Variants in PSG11 observed in about 807,000 individuals in gnomAD.
PSG11 encodes the protein pregnancy-specific beta-1-glycoprotein 11.
In PSG11, 42 loss-of-function variants were observed where a neutral mutation model predicts 36.0. The ratio of observed to expected loss-of-function variants is 1.17; its 90% CI spans 0.91 to 1.51. The LOEUF (loss-of-function observed/expected upper bound fraction) is 1.51. PSG11 is among the 40% of genes most tolerant of loss of function. PSG11 has a pLI of 0.00. For synonymous variants in PSG11, 206 were observed against 153.5 expected, an observed-to-expected ratio of 1.34 and a Z score of -2.53; for missense variants, 558 against 403.5, an observed-to-expected ratio of 1.38 and a Z score of -3.28.
intron 5 of PSG11, 98 bp downstream of exon 5, chr19:43,009,860 G>A (rs1974029247): frequency 2.2e-6 from 2 of 928,050 alleles, no homozygotes; most frequent in East Asian, 2.5e-5. Flanking sequence ...GATGAAGGAG[G>A]AGATCCAGGC....
At chr19:43,024,524 T>C in intron 2 of PSG11, 167 bp downstream of exon 2, 1 of 1,352,304 alleles carries the variant, frequency 7.4e-7, no homozygotes, top group Admixed American at 1.9e-5. Flanking sequence ...TTCTGATCTG[T>C]TGAAATTTGT....
rs17406869 is a variant in PSG11 at position 43,010,018 on chromosome 19, C to T, written c.988G>A (p.Ala330Thr). 1.9e-6 allele frequency: 3 copies of T among 1,609,678 alleles called. No individual in the cohort carries two copies. Among genetic ancestry groups the T allele is most frequent in the Non-Finnish European group, 2.5e-6 (3 of 1,177,222 alleles). ...VIAPPGLGTF[A>T]FNNPT ...GGCTGCTACGTTGGATTATTGAAAGCAAAAGTTCCTAATCCTGGAGGAGCT... is the reference window on the plus strand; with the variant it reads ...GGCTGCTACGTTGGATTATTGAAAGTAAAAGTTCCTAATCCTGGAGGAGCT... Residue 330 changes from alanine (A) to threonine (T), a missense_variant, in exon 5 of 6, where the codon GCT becomes ACT. By Grantham distance (58) the Ala-to-Thr change is moderately conservative. Coordinates refer to ENST00000320078, the MANE Select transcript of PSG11 (RefSeq NM_002785.3).
At position 43,015,115 on chromosome 19, in the gene PSG11, C is replaced by T. The variant is rs773268667; in HGVS notation, c.964+1G>A. 1.2e-6 allele frequency: 2 copies of T among 1,611,950 alleles called. No individual in the cohort carries two copies. The highest frequency in any genetic ancestry group is 3.3e-5 in the Admixed American group (2 of 59,896). On this transcript the variant is annotated splice_donor_variant, in intron 4 of 5. Transcript: ENST00000320078. LOFTEE classifies it high-confidence loss of function. ...TGCCAAGGATGCTGGGATCCACTTA[C>T]CAATGACTCTGATTGTCAAGGATGT...
chr19:43,017,335 A>C (rs1259319669), intron 3 of PSG11: 1 of 151,490 alleles, frequency 6.6e-6, no homozygotes, highest in East Asian at 1.9e-4. Context: ...CTTCAGTGAG[A>C]ATTTCTTTTC....
At chr19:43,025,570 G>T (rs1330409225) in intron 1 of PSG11, among the ~76,000 whole-genome samples, 2 of 150,844 alleles carry the variant, frequency 1.3e-5, no homozygotes, top group African/African-American at 4.9e-5. Context: ...AGGGACTTTT[G>T]TGATCTTGGT....
rs971166419 is a variant in PSG11, at chr19:43,024,805, A to G, written c.316T>C (p.Ser106Pro). 6.8e-6 allele frequency: 11 copies of G among 1,611,858 alleles called. No homozygotes were observed. The highest frequency in any genetic ancestry group is 9.3e-6 in the Non-Finnish European group (11 of 1,179,104). ...SGRETVYSNA[S>P]LLIQNVTRED... ...CGGGTGACATTCTGGATCAGCAGGG[A>G]TGCATTGGAATATACTGTTTCTCGT... Residue 106 changes from serine (S) to proline (P), a missense_variant, in exon 2 of 6, where the codon TCC becomes CCC. Transcript: ENST00000320078.
chr19:43,009,336 T>C (rs1187638362), intron 5 of PSG11, among the ~76,000 whole-genome samples: 1 of 151,320 alleles, frequency 6.6e-6, no homozygotes, highest in African/African-American at 2.4e-5. Flanking sequence ...TTTCACTCTG[T>C]TTTTAGACAT....
At position 43,015,118 on chromosome 19, in the gene PSG11, A is replaced by G. The variant is rs111493043; in HGVS notation, c.962T>C (p.Ile321Thr). Residue 321 changes from isoleucine (I) to threonine (T), a missense_variant and splice_region_variant, in exon 4 of 6, where the codon ATT becomes ACT. Ile to Thr is a moderately conservative substitution (Grantham distance 89). Coordinates refer to ENST00000320078, the MANE Select transcript of PSG11 (RefSeq NM_002785.3). ...CAAGGATGCTGGGATCCACTTACCA[A>G]TGACTCTGATTGTCAAGGATGTGGA... ...ESSTSLTIRVIAPPGLGTFAF... is the reference protein window; with the variant it reads ...ESSTSLTIRVTAPPGLGTFAF... The G allele has an allele frequency of 7.5e-3, 12,054 of 1,611,826 alleles. 695 individuals carry two copies. In the East Asian group the frequency reaches 0.088, roughly 12 times the overall value.
At chr19:43,016,507 T>G (rs1205514501) in intron 3 of PSG11, among the ~76,000 whole-genome samples, 6 of 151,388 alleles carry the variant, frequency 4.0e-5, no homozygotes, top group Admixed American at 6.6e-5. Flanking sequence ...GACTTCCCAT[T>G]GTCCTGAAAC....
Position 43,024,717 on chromosome 19 carries a change from G to A in PSG11, c.404C>T (p.Thr135Ile). 1 of 1,611,168 alleles carries A rather than the reference G, an allele frequency of 6.2e-7. No homozygotes were observed. The highest frequency in any genetic ancestry group is 2.2e-5 in the East Asian group (1 of 44,790). The change falls in exon 2 of 6, where the codon ACT (threonine) becomes ATT (isoleucine). Residue 135 changes from threonine to isoleucine, a missense_variant. Physicochemically the swap from Thr to Ile is moderately conservative, Grantham distance 89. Transcript: ENST00000320078. ...GTATAAGGTGAAGGTGAAATATCCA[G>A]TTACTCCTCTAGTCCCATCACCTCG... is the stretch of plus-strand genomic sequence containing the variant. ...IKRGDGTRGV[T>I]GYFTFTLYLE...
At chr19:43,016,789 A>G (rs1966977991) in intron 3 of PSG11, among the ~76,000 whole-genome samples, 1 of 151,426 alleles carries the variant, frequency 6.6e-6, no homozygotes, top group Non-Finnish European at 1.5e-5. Context: ...TGGGTCCTTT[A>G]AGTTTCCTTT....
chr19:43,014,380 C>A, intron 4 of PSG11: 9 of 932,890 alleles, frequency 9.6e-6, no homozygotes, highest in Non-Finnish European at 1.1e-5. Flanking sequence ...AGTCACTGTA[C>A]TCAGTGCTGT....
At chr19:43,010,283 C>A (rs1974040845) in intron 4 of PSG11, 1 of 1,471,596 alleles carries the variant, frequency 6.8e-7, no homozygotes, top group East Asian at 2.5e-5. Flanking sequence ...TTTTGGAAGG[C>A]TTTCAGACGT....
rs1967192705 is a variant in PSG11, at chr19:43,024,681, A to G, written c.430+10T>C. ...CCCCCAACACCCAGGGATCATGTGG[A>G]ATCACTTACGGTATAAGGTGAAGGT... On this transcript the variant is annotated intron_variant, in intron 2 of 5. Coordinates refer to ENST00000320078, the MANE Select transcript of PSG11 (RefSeq NM_002785.3). The G allele has an allele frequency of 6.2e-7, 1 of 1,609,716 alleles. No individual in the cohort carries two copies. Among genetic ancestry groups the G allele is most frequent in the African/African-American group, 1.3e-5 (1 of 74,228 alleles).
chr19:43,009,927 G>A, intron 5 of PSG11, 31 bp downstream of exon 5: 2 of 1,496,552 alleles, frequency 1.3e-6, no homozygotes, highest in South Asian at 2.3e-5. Flanking sequence ...CAGCCCTGCA[G>A]GAACCAGGAT....
intron 4 of PSG11, chr19:43,010,418 TG>T: frequency 5.2e-6 from 8 of 1,528,994 alleles, no homozygotes; most frequent in Non-Finnish European, 6.2e-6. Context: ...CAGATCTCCA[TG>T]GCAGGGACCT....
chr19:43,014,384 G>C, intron 4 of PSG11: 1 of 936,010 alleles, frequency 1.1e-6, no homozygotes, highest in Non-Finnish European at 1.3e-6. Context: ...ACTGTACTCA[G>C]TGCTGTGTCC....
Position 43,022,472 on chromosome 19 carries a change from CT to C in PSG11, c.430+2218del, listed in dbSNP as rs1967124643. Among the ~76,000 whole-genome samples, 3 of 151,362 alleles carry C rather than the reference CT, an allele frequency of 2.0e-5. No individual in the cohort carries two copies. In the South Asian group the frequency reaches 6.3e-4, roughly 32 times the overall value. On this transcript the variant is annotated intron_variant, in intron 2 of 5. Transcript: ENST00000320078. ...TTAGTCCTGTGCCCCTGAAACTATC[CT>C]TGAAAATCTCTAAGCCCTGATCCAC... is the stretch of plus-strand genomic sequence containing the variant.
In PSG11 at chr19:43,015,374, G is replaced by A. The variant is rs770908946; in HGVS notation, c.710-4C>T. On this transcript the variant is annotated splice_region_variant and splice_polypyrimidine_tract_variant and intron_variant, in intron 3 of 5. Coordinates refer to ENST00000320078, the MANE Select transcript of PSG11 (RefSeq NM_002785.3). ...ATTCTGGGGAGGTCTGGACCATCTG[G>A]AGGAAAGAGAATAAAGCCACAGTTG... is the stretch of plus-strand genomic sequence containing the variant. 3.1e-6 allele frequency: 5 copies of A among 1,606,722 alleles called. No individual in the cohort carries two copies. Among genetic ancestry groups the A allele is most frequent in the South Asian group, 2.2e-5 (2 of 90,008 alleles).
Sources: allele counts gnomAD v4.1 joint callset (sites outside exome capture counted in the v4.1 genomes callset), GRCh38; gene constraint gnomAD v4.1.1; transcripts MANE v1.5; gene names NCBI Gene and HGNC (gene_info 2026-07-23, HGNC 2026-07-21).